Variants in KAT6B observed in about 807,000 individuals in gnomAD.
KAT6B encodes histone acetyltransferase KAT6B.
KAT6B carries 10 observed loss-of-function variants against 187.5 expected under a neutral mutation model. The ratio of observed to expected loss-of-function variants is 0.05; its 90% CI spans 0.03 to 0.09. KAT6B has a LOEUF of 0.09. KAT6B is among the 10% of genes least tolerant of loss of function. The probability of loss-of-function intolerance (pLI) is 1.00; values close to 1 mark genes in which losing one functional copy is unlikely to be tolerated. For missense variants in KAT6B, 1,952 were observed against 2,558.9 expected (o/e 0.76, Z 5.12); for synonymous variants, 861 against 926.8 (o/e 0.93, Z 1.29).
chr10:75,029,081 C>T lies in KAT6B; in HGVS notation c.4257C>T (p.Ser1419=), dbSNP rs747224452. ...AGGAGGAAGAGGATGAAGAGCCATC[C>T]CACAACGAGGACCATGATGCCGATG... ...EEEEEEDEEP[S]HNEDHDADDE... The change falls in exon 18 of 18, where the codon TCC becomes TCT. Residue 1419 remains serine, a synonymous_variant. Transcript: ENST00000287239. This position sits in a 1 kb window ranked among gnomAD's most constrained non-coding sequence, Gnocchi z 6.2. 9.9e-6 allele frequency: 16 copies of T among 1,614,048 alleles called. No individual in the cohort carries two copies. The highest frequency in any genetic ancestry group is 1.3e-5 in the Non-Finnish European group (15 of 1,179,998).
At chr10:74,833,901 C>T (rs926296318) in intron 1 of KAT6B, among the ~76,000 whole-genome samples, 2 of 152,200 alleles carry the variant, frequency 1.3e-5, no homozygotes, top group South Asian at 2.1e-4. Flanking sequence ...GTTCAACCAG[C>T]GTTTTATTGA....
chr10:75,028,435 G>C, intron 17 of KAT6B, 54 bp from the exon 18 acceptor site: 2 of 1,613,308 alleles, frequency 1.2e-6, no homozygotes, highest in South Asian at 1.1e-5. Flanking sequence ...GTTGCCCATG[G>C]TTATGCTTTC....
rs560181392 is a variant in KAT6B at position 74,914,260 on chromosome 10, A to C, written c.622-45710A>C. Among the ~76,000 whole-genome samples the C allele has an allele frequency of 1.1e-4, 16 of 152,274 alleles. No individual in the cohort carries two copies. The East Asian group carries it at 3.1e-3, about 29-fold the overall frequency. ...TAGCATTTTGTTCACACAGTGTATC[A>C]TTGTGCTTTTCTGTTTCAAAGTGTA... On this transcript the variant is annotated intron_variant, in intron 3 of 17. Coordinates refer to ENST00000287239, the MANE Select transcript of KAT6B (RefSeq NM_012330.4).
intron 3 of KAT6B, among the ~76,000 whole-genome samples, chr10:74,945,213 T>TG: frequency 6.6e-6 from 1 of 152,304 alleles, no homozygotes; most frequent in East Asian, 1.9e-4. Flanking sequence ...TACTCACACA[T>TG]GCAACAACAT....
intron 3 of KAT6B, among the ~76,000 whole-genome samples, chr10:74,868,851 G>A (rs2132375349): frequency 6.6e-6 from 1 of 152,230 alleles, no homozygotes; most frequent in African/African-American, 2.4e-5. Flanking sequence ...GCCTCCCAGG[G>A]ATGTTCATTC....
At chr10:74,984,973 G>A (rs1341093216) in intron 11 of KAT6B, 107 bp from the exon 12 acceptor site, 2 of 1,047,204 alleles carry the variant, frequency 1.9e-6, no homozygotes, top group African/African-American at 3.2e-5. Context: ...CTCAGTTTAG[G>A]ATTTGGAAAT....
At chr10:75,019,344 G>T (rs968677237) in intron 13 of KAT6B, among the ~76,000 whole-genome samples, 1 of 152,156 alleles carries the variant, frequency 6.6e-6, no homozygotes, top group African/African-American at 2.4e-5. Context: ...TATACCCTTC[G>T]AGGGTTCAGG....
intron 17 of KAT6B, among the ~76,000 whole-genome samples, chr10:75,027,625 G>A (rs1256897434): frequency 6.6e-6 from 1 of 151,642 alleles, no homozygotes; most frequent in East Asian, 1.9e-4. Context: ...TCATCTGCTT[G>A]TATAAATATG....
rs1564632184 is a variant in KAT6B, at chr10:75,029,730, A to C, written c.4906A>C (p.Ile1636Leu). 1.9e-6 allele frequency: 3 copies of C among 1,614,198 alleles called. No homozygotes were observed. The highest frequency in any genetic ancestry group is 2.5e-6 in the Non-Finnish European group (3 of 1,180,036). Residue 1636 changes from isoleucine (I) to leucine (L), a missense_variant, in exon 18 of 18, where the codon ATC (isoleucine) becomes CTC (leucine). By Grantham distance (5) the Ile-to-Leu change is conservative. This residue lies in a region of KAT6B where 87 missense variants were observed against 167.5 expected (regional missense o/e 0.52). Transcript: ENST00000287239. This position sits in a 1 kb window ranked among gnomAD's most constrained non-coding sequence, Gnocchi z 6.2. ...CCAAATCAGCCCAGATCAAAGTGCC[A>C]TCTCAGTGCCATCTCTGCAGAACAT... is the stretch of plus-strand genomic sequence containing the variant. ...YAQISPDQSA[I>L]SVPSLQNMET...
At chr10:74,830,731 CATATATATATATATATATATATATAT>C (rs1198969374) in intron 1 of KAT6B, among the ~76,000 whole-genome samples, 11 of 17,206 alleles carry the variant, frequency 6.4e-4, no homozygotes, top group Admixed American at 1.1e-3. Flanking sequence ...CACAGCTCTT[CATATATATATATATATATATATATAT>C]ATATATATAT....
intron 3 of KAT6B, among the ~76,000 whole-genome samples, chr10:74,885,561 A>G (rs902839959): frequency 1.4e-4 from 22 of 152,296 alleles, no homozygotes; most frequent in African/African-American, 5.3e-4. Context: ...GGAAGGCAAA[A>G]ATTAATTCCA....
intron 13 of KAT6B, among the ~76,000 whole-genome samples, chr10:74,996,550 C>G (rs1465806774): frequency 6.6e-6 from 1 of 152,012 alleles, no homozygotes; most frequent in African/African-American, 2.4e-5. Flanking sequence ...GCAGGCAGAT[C>G]ACGAGGTCAG....
chr10:74,925,861 G>T (rs1263780423), intron 3 of KAT6B, among the ~76,000 whole-genome samples: 1 of 152,088 alleles, frequency 6.6e-6, no homozygotes, highest in Non-Finnish European at 1.5e-5. Context: ...CTCATTATGT[G>T]CTTGAAATAG....
intron 1 of KAT6B, among the ~76,000 whole-genome samples, chr10:74,830,750 A>ATATATATATATATATATG (rs1554912265): frequency 2.0e-3 from 42 of 20,720 alleles, no homozygotes; most frequent in African/African-American, 0.013. Flanking sequence ...ATATATATAT[A>ATATATATATATATATATG]TATATATATA....
intron 3 of KAT6B, among the ~76,000 whole-genome samples, chr10:74,890,146 C>T (rs1845548999): frequency 6.6e-6 from 1 of 151,896 alleles, no homozygotes; most frequent in Admixed American, 6.6e-5. Context: ...TCAAGTGATT[C>T]TCCTGCCTCA....
intron 3 of KAT6B, among the ~76,000 whole-genome samples, chr10:74,931,837 G>A (rs1382781565): frequency 3.9e-5 from 6 of 152,116 alleles, no homozygotes; most frequent in Non-Finnish European, 8.8e-5. Flanking sequence ...CAGCCTCCCC[G>A]AGTAGCTGGG....
chr10:75,004,751 G>T (rs1031268497), intron 13 of KAT6B, among the ~76,000 whole-genome samples: 14 of 152,126 alleles, frequency 9.2e-5, no homozygotes, highest in Admixed American at 6.5e-4. Context: ...ACCCAGGCTG[G>T]AGTACAGTGG....
intron 3 of KAT6B, among the ~76,000 whole-genome samples, chr10:74,934,015 GTC>G (rs1849058345): frequency 6.6e-6 from 1 of 151,880 alleles, no homozygotes; most frequent in Admixed American, 6.6e-5. Context: ...ATGAAACCCT[GTC>G]TCTACAAAAA....
intron 13 of KAT6B, among the ~76,000 whole-genome samples, chr10:75,011,085 C>T (rs977675284): frequency 6.6e-6 from 1 of 152,024 alleles, no homozygotes; most frequent in Non-Finnish European, 1.5e-5. Flanking sequence ...GGGAGCAAGC[C>T]TAGGGGGAGC....
Sources: allele counts gnomAD v4.1 joint callset (sites outside exome capture counted in the v4.1 genomes callset), GRCh38; gene constraint gnomAD v4.1.1; regional missense constraint gnomAD v4.1.1; non-coding constraint Gnocchi (gnomAD v3.1); transcripts MANE v1.5; gene names NCBI Gene and HGNC (gene_info 2026-07-23, HGNC 2026-07-21).